Variants in GPC6 observed in about 807,000 individuals in gnomAD.
GPC6 encodes glypican 6.
In GPC6, 14 loss-of-function variants were observed where a neutral mutation model predicts 55.2. The observed-to-expected ratio is 0.25, with a 90% confidence interval of 0.17 to 0.40. The LOEUF (loss-of-function observed/expected upper bound fraction) is 0.40. Among genes scored for constraint, GPC6 ranks in the 10% least tolerant of loss-of-function variants. The pLI is 1.00. For missense variants in GPC6, 641 were observed against 708.5 expected (o/e 0.90, Z 1.08); for synonymous variants, 278 against 259.6 (o/e 1.07, Z -0.68).
chr13:94,255,000 T>G (rs115570286), intron 4 of GPC6, among the ~76,000 whole-genome samples: 1,864 of 152,310 alleles, frequency 0.012, 34 homozygotes, highest in African/African-American at 0.043. Context: ...GAGTCAACAG[T>G]AATTTTCATC....
At chr13:93,877,888 A>G (rs1351502448) in intron 3 of GPC6, among the ~76,000 whole-genome samples, 2 of 152,034 alleles carry the variant, frequency 1.3e-5, no homozygotes, top group Non-Finnish European at 2.9e-5. Flanking sequence ...CTCATAAATG[A>G]CTATGGGAGA....
intron 2 of GPC6, among the ~76,000 whole-genome samples, chr13:93,634,162 T>C (rs1879597076): frequency 6.6e-6 from 1 of 152,214 alleles, no homozygotes; most frequent in South Asian, 2.1e-4. Flanking sequence ...TGATCTTAAA[T>C]GTGCACTTTA....
chr13:93,433,358 A>G (rs1441900424), intron 1 of GPC6, among the ~76,000 whole-genome samples: 1 of 152,196 alleles, frequency 6.6e-6, no homozygotes, highest in Non-Finnish European at 1.5e-5. Context: ...TGAGACCTCA[A>G]CAGTTATTTC....
intron 4 of GPC6, among the ~76,000 whole-genome samples, chr13:94,242,528 A>G (rs1392431654): frequency 6.6e-6 from 1 of 152,126 alleles, no homozygotes; most frequent in Non-Finnish European, 1.5e-5. Flanking sequence ...GATTAAGAAA[A>G]TGTGGCACAT....
At chr13:94,349,541 A>G (rs1878436985) in intron 6 of GPC6, among the ~76,000 whole-genome samples, 1 of 152,114 alleles carries the variant, frequency 6.6e-6, no homozygotes, top group African/African-American at 2.4e-5. Flanking sequence ...TGTCTCTATA[A>G]TCTATCCTCC....
chr13:93,871,674 G>C (rs1348898208), intron 3 of GPC6, among the ~76,000 whole-genome samples: 1 of 151,900 alleles, frequency 6.6e-6, no homozygotes, highest in Non-Finnish European at 1.5e-5. Context: ...CCACTTTTTA[G>C]TCCAAGAAGA....
At chr13:94,018,632 G>A (rs1882577634) in intron 3 of GPC6, among the ~76,000 whole-genome samples, 1 of 152,146 alleles carries the variant, frequency 6.6e-6, no homozygotes, top group African/African-American at 2.4e-5. Context: ...CTTTGATAGT[G>A]TTTTGTTAAA....
intron 2 of GPC6, among the ~76,000 whole-genome samples, chr13:93,554,160 AG>A (rs1191658348): frequency 5.4e-5 from 7 of 130,572 alleles, no homozygotes; most frequent in African/African-American, 2.2e-4. Flanking sequence ...AAAAAAAAAG[AG>A]AGAGAGAGAG....
chr13:93,408,061 A>T (rs1295137144), intron 1 of GPC6, among the ~76,000 whole-genome samples: 1 of 152,110 alleles, frequency 6.6e-6, no homozygotes, highest in Admixed American at 6.6e-5. Context: ...TACCAGTTTT[A>T]AAAAAATCTA....
chr13:94,095,681 A>G (rs912452871), intron 4 of GPC6, among the ~76,000 whole-genome samples: 2 of 152,184 alleles, frequency 1.3e-5, no homozygotes, highest in Non-Finnish European at 2.9e-5. Context: ...TAGTTTGTTA[A>G]CGAAAGAGTC....
At chr13:94,352,908 G>T (rs183384548) in intron 6 of GPC6, among the ~76,000 whole-genome samples, 1 of 152,318 alleles carries the variant, frequency 6.6e-6, no homozygotes, top group East Asian at 1.9e-4. Flanking sequence ...TGTCTACAGA[G>T]AAGTGGCTAC....
At chr13:93,902,537 T>A (rs932384529) in intron 3 of GPC6, among the ~76,000 whole-genome samples, 5 of 152,202 alleles carry the variant, frequency 3.3e-5, no homozygotes, top group Non-Finnish European at 7.3e-5. Flanking sequence ...CAGGTATCTC[T>A]CACACTTATT....
chr13:94,369,955 G>A (rs1327107844), intron 6 of GPC6, among the ~76,000 whole-genome samples: 1 of 152,196 alleles, frequency 6.6e-6, no homozygotes, highest in Non-Finnish European at 1.5e-5. Flanking sequence ...TGCTGTTCGT[G>A]TATTTATTCA....
chr13:94,213,655 C>T (rs2138992184), intron 4 of GPC6, among the ~76,000 whole-genome samples: 1 of 152,246 alleles, frequency 6.6e-6, no homozygotes, highest in South Asian at 2.1e-4. Flanking sequence ...CCTCCAGCAT[C>T]CCAGCCCCGG....
intron 4 of GPC6, among the ~76,000 whole-genome samples, chr13:94,108,431 T>G (rs548405352): frequency 6.6e-6 from 1 of 152,148 alleles, no homozygotes; most frequent in South Asian, 2.1e-4. Flanking sequence ...TACGTTCTTG[T>G]ATGCTGCTTA....
chr13:93,500,509 G>A (rs1880480557), intron 1 of GPC6, among the ~76,000 whole-genome samples: 1 of 60,294 alleles, frequency 1.7e-5, no homozygotes, highest in Admixed American at 2.5e-4. Flanking sequence ...CTATATGAAA[G>A]GCATCCAAAC....
At chr13:93,512,653 T>G (rs1881027788) in intron 1 of GPC6, among the ~76,000 whole-genome samples, 1 of 152,076 alleles carries the variant, frequency 6.6e-6, no homozygotes, top group Non-Finnish European at 1.5e-5. Context: ...ATATTGGTTA[T>G]CAGGGTGATG....
rs371767594 is a variant in GPC6, at chr13:93,335,615, C to A, written c.160+107999C>A. On this transcript the variant is annotated intron_variant, in intron 1 of 8. Coordinates refer to ENST00000377047, the MANE Select transcript of GPC6 (RefSeq NM_005708.5). The stretch of plus-strand genomic sequence containing the variant: ...GTAGGCCAAATAGGTCCTCTGACCT[C>A]TTTTATAATTGTCAGCTTATCTAAC... Among the ~76,000 whole-genome samples, 7 of 152,182 alleles carry A rather than the reference C, an allele frequency of 4.6e-5. No individual in the cohort carries two copies. The East Asian group carries it at 7.7e-4, about 17-fold the overall frequency.
chr13:93,652,602 G>A (rs943521757), intron 2 of GPC6, among the ~76,000 whole-genome samples: 2 of 152,156 alleles, frequency 1.3e-5, no homozygotes, highest in Admixed American at 6.5e-5. Flanking sequence ...ATGCAGTCAA[G>A]ACATACCTTT....
Sources: gnomAD v4.1 joint callset for allele counts (sites outside exome capture counted in the v4.1 genomes callset) on GRCh38, gnomAD v4.1.1 for gene constraint, MANE v1.5 for transcripts, NCBI Gene and HGNC (gene_info 2026-07-23, HGNC 2026-07-21) for gene names.